POLN: variants seen among roughly 807,000 people sequenced by gnomAD.
POLN encodes the protein DNA polymerase nu.
A neutral mutation model predicts 113.5 loss-of-function variants in POLN; 108 were observed. The ratio of observed to expected loss-of-function variants is 0.95; its 90% CI spans 0.81 to 1.12. The LOEUF is 1.12. Among genes scored for constraint, POLN ranks in the 50% most tolerant of loss-of-function variants. POLN has a pLI of 0.00. For missense variants in POLN, 1,097 were observed against 1,077.1 expected, an observed-to-expected ratio of 1.02 and a Z score of -0.26; for synonymous variants, 386 against 391.5, an observed-to-expected ratio of 0.99 and a Z score of 0.17.
intron 13 of POLN, among the ~76,000 whole-genome samples, chr4:2,166,898 G>A (rs1047605848): frequency 6.6e-6 from 1 of 152,056 alleles, no homozygotes; most frequent in Non-Finnish European, 1.5e-5. Context: ...CCCCAACTGC[G>A]TGAACCAATG....
chr4:2,109,842 A>G (rs1251178231), intron 19 of POLN, among the ~76,000 whole-genome samples: 2 of 152,006 alleles, frequency 1.3e-5, no homozygotes, highest in Non-Finnish European at 2.9e-5. Flanking sequence ...TATTTATCCC[A>G]TCTGTATTTT....
intron 16 of POLN, among the ~76,000 whole-genome samples, chr4:2,143,329 A>C (rs1732051227): frequency 6.6e-6 from 1 of 152,196 alleles, no homozygotes; most frequent in South Asian, 2.1e-4. Flanking sequence ...AAAACAGAGA[A>C]GACACAAATT....
Position 2,241,479 on chromosome 4 carries a change from A to G in POLN, c.-13+41T>C, listed in dbSNP as rs187930802. ...GCCCTCCGTACGTAAGAAGACGCAA[A>G]TAAGCATGGCACATCTTCTGAAGAT... is the stretch of plus-strand genomic sequence containing the variant. On this transcript the variant is annotated intron_variant, in intron 2 of 25. Coordinates refer to ENST00000511885, the MANE Select transcript of POLN (RefSeq NM_181808.4). 2.8e-5 allele frequency: 28 copies of G among 985,334 alleles called. No homozygotes were observed. The Admixed American group carries it at 6.7e-4, about 24-fold the overall frequency. The allele number at this position is 985,334 out of a possible 1,614,324, so 61.0% of individuals were successfully genotyped here.
In POLN at chr4:2,157,908, G is replaced by A. The variant is rs755638925; in HGVS notation, c.1615C>T (p.His539Tyr). Residue 539 changes from histidine to tyrosine, a missense_variant, in exon 15 of 26, where the codon CAC (histidine) becomes TAC (tyrosine). Transcript: ENST00000511885. ...PKIILEYRQV[H>Y]KIKSTFVDGL... Reference sequence around the variant, plus strand: ...TCTACAAAGGTTGACTTGATCTTGTGAACCTAAGGTGGAAAGACAAGAATA... The same window carrying A: ...TCTACAAAGGTTGACTTGATCTTGTAAACCTAAGGTGGAAAGACAAGAATA... 5.0e-6 allele frequency: 8 copies of A among 1,604,028 alleles called. No homozygotes were observed. The East Asian group carries it at 1.3e-4, about 27-fold the overall frequency.
chr4:2,176,944 C>T (rs2108749841), intron 8 of POLN, among the ~76,000 whole-genome samples: 1 of 152,298 alleles, frequency 6.6e-6, no homozygotes, highest in East Asian at 1.9e-4. Flanking sequence ...AACAAATCCC[C>T]CACCTCCAGC....
At chr4:2,125,671 AG>A (rs1219209557) in intron 19 of POLN, among the ~76,000 whole-genome samples, 1 of 152,156 alleles carries the variant, frequency 6.6e-6, no homozygotes, top group Non-Finnish European at 1.5e-5. Flanking sequence ...CAGCTTCCTA[AG>A]GGGGCAGCTG....
At chr4:2,160,730 C>T (rs1490940617) in intron 13 of POLN, among the ~76,000 whole-genome samples, 1 of 152,118 alleles carries the variant, frequency 6.6e-6, no homozygotes, top group Admixed American at 6.5e-5. Context: ...TTAATGATGT[C>T]TTTTCATAAT....
At chr4:2,101,887 AG>A (rs548119614) in intron 19 of POLN, among the ~76,000 whole-genome samples, 16 of 152,180 alleles carry the variant, frequency 1.1e-4, no homozygotes, top group Non-Finnish European at 2.1e-4. Context: ...TGAGCTGGGT[AG>A]GGGCTCTTAT....
intron 2 of POLN, among the ~76,000 whole-genome samples, chr4:2,235,058 GTATTT>G (rs1311285680): frequency 5.9e-5 from 9 of 152,268 alleles, no homozygotes; most frequent in African/African-American, 2.2e-4. Flanking sequence ...GCTAATTTTT[GTATTT>G]TTAGTAGAGA....
intron 19 of POLN, among the ~76,000 whole-genome samples, chr4:2,121,829 T>C (rs186012619): frequency 1.2e-4 from 18 of 152,184 alleles, no homozygotes; most frequent in South Asian, 2.1e-4. Context: ...TTTCCTATTG[T>C]CAATTTCATT....
intron 5 of POLN, among the ~76,000 whole-genome samples, chr4:2,200,408 G>T (rs1005057441): frequency 6.6e-6 from 1 of 152,182 alleles, no homozygotes; most frequent in Non-Finnish European, 1.5e-5. Context: ...ATGACTACAA[G>T]AATAAATCAG....
chr4:2,100,023 T>C (rs1434360340), intron 19 of POLN, among the ~76,000 whole-genome samples: 10 of 150,714 alleles, frequency 6.6e-5, no homozygotes, highest in Admixed American at 6.0e-4. Flanking sequence ...TGAGCTGAGA[T>C]TGTGCCACTG....
In POLN at chr4:2,236,899, ATAT is replaced by A. The variant is rs751975834; in HGVS notation, c.-13+4618_-13+4620del. On this transcript the variant is annotated intron_variant, in intron 2 of 25. Transcript: ENST00000511885. ...AATAATAATTATAATTATAATAATAATATTATTATTATTTGTGTGCCTGCAAAA... is the reference window on the plus strand; with the variant it reads ...AATAATAATTATAATTATAATAATAATATTATTATTTGTGTGCCTGCAAAA... 1.9e-3 allele frequency among the ~76,000 whole-genome samples: 279 copies of A among 149,322 alleles called. 3 individuals are homozygous for A. Among genetic ancestry groups the A allele is most frequent in the Middle Eastern group, 7.1e-3 (2 of 280 alleles).
intron 13 of POLN, among the ~76,000 whole-genome samples, chr4:2,165,492 G>C (rs1016435296): frequency 1.3e-5 from 2 of 152,214 alleles, no homozygotes; most frequent in Admixed American, 6.5e-5. Context: ...TGCTGTAATG[G>C]TAGATGTATG....
At chr4:2,156,625 TCTC>T (rs79390463) in intron 16 of POLN, 160 bp downstream of exon 16, 39,745 of 683,902 alleles carry the variant, frequency 0.058, 1,631 homozygotes, top group African/African-American at 0.15. Flanking sequence ...TCTGTCTTGT[TCTC>T]CTGCTATGTT....
intron 7 of POLN, among the ~76,000 whole-genome samples, chr4:2,182,210 A>AT (rs1274660801): frequency 6.6e-6 from 1 of 152,184 alleles, no homozygotes; most frequent in Non-Finnish European, 1.5e-5. Flanking sequence ...TCCTCAAAAG[A>AT]TAACTCCACC....
intron 16 of POLN, among the ~76,000 whole-genome samples, chr4:2,146,173 G>A (rs1460441543): frequency 6.6e-6 from 1 of 152,148 alleles, no homozygotes; most frequent in Non-Finnish European, 1.5e-5. Context: ...GCTGAATTGG[G>A]AAGAACACAC....
chr4:2,150,159 C>T (rs1382629911), intron 16 of POLN, among the ~76,000 whole-genome samples: 1 of 151,898 alleles, frequency 6.6e-6, no homozygotes, highest in African/African-American at 2.4e-5. Context: ...TACACACACA[C>T]ACAAATAGTT....
intron 8 of POLN, chr4:2,177,277 C>T (rs1047394367): frequency 6.2e-6 from 3 of 481,466 alleles, no homozygotes; most frequent in African/African-American, 3.9e-5. Flanking sequence ...TTCTCTGGCT[C>T]CCCACAGCCA....
Sources: allele counts gnomAD v4.1 joint callset (sites outside exome capture counted in the v4.1 genomes callset), GRCh38; gene constraint gnomAD v4.1.1; transcripts MANE v1.5; gene names NCBI Gene and HGNC (gene_info 2026-07-23, HGNC 2026-07-21).